Variants in ZDHHC15 observed in about 807,000 individuals in gnomAD.
The protein encoded by ZDHHC15 is palmitoyltransferase ZDHHC15.
In ZDHHC15, 19 loss-of-function variants were observed where a neutral mutation model predicts 31.7. The ratio of observed to expected loss-of-function variants is 0.60; its 90% confidence interval spans 0.42 to 0.88. ZDHHC15 has a LOEUF of 0.88. Ranked by LOEUF, ZDHHC15 falls within the 40% of genes least tolerant of loss-of-function variation. The pLI, the probability that ZDHHC15 is intolerant of heterozygous loss-of-function variation, is 0.00. For missense variants in ZDHHC15, 209 were observed against 251.2 expected (o/e 0.83, Z 1.14); for synonymous variants, 103 against 90.0 (o/e 1.14, Z -0.82).
At chrX:75,481,063 A>C (rs918063571) in intron 2 of ZDHHC15, among the ~76,000 whole-genome samples, 12 of 111,005 alleles carry the variant, frequency 1.1e-4, no homozygotes, top group Admixed American at 5.8e-4. Flanking sequence ...AGCCTTTGTG[A>C]AGTGTTATCA....
intron 2 of ZDHHC15, among the ~76,000 whole-genome samples, chrX:75,491,108 C>A (rs1342821906): frequency 1.8e-5 from 2 of 111,292 alleles, no homozygotes; most frequent in Non-Finnish European, 3.8e-5. Context: ...CCATTGGACC[C>A]AGCCATCCCA....
At chrX:75,375,368 G>A (rs1464869836) in intron 11 of ZDHHC15, among the ~76,000 whole-genome samples, 2 of 112,039 alleles carry the variant, frequency 1.8e-5, no homozygotes, top group Non-Finnish European at 3.8e-5. Context: ...CTATTTTGTT[G>A]ATTGTTTGCA....
intron 9 of ZDHHC15, among the ~76,000 whole-genome samples, chrX:75,421,433 A>ATAATATATATTATATATAATAT (rs1405064473): frequency 3.2e-5 from 2 of 62,709 alleles, no homozygotes; most frequent in Non-Finnish European, 5.2e-5. Flanking sequence ...ATATATATAT[A>ATAATATATATTATATATAATAT]ATATATATTA....
Position 75,372,637 on chromosome X carries a change from T to C in ZDHHC15, c.*341A>G, listed in dbSNP as rs1003963786. ...GGGAATTAAAGACTCTAAGGAAATT[T>C]TCTGAATTTCCTTTTACCTGATAAG... On this transcript the variant is annotated 3_prime_UTR_variant, in exon 12 of 12. Transcript: ENST00000373367. The C allele has an allele frequency of 9.0e-6, 1 of 111,480 alleles. No homozygotes were observed. 9.2% of individuals were successfully genotyped at this position (111,480 alleles called of 1,213,427 possible). A position where few individuals can be genotyped will look rare whatever the true frequency, so the allele number is the denominator to read the frequency against.
chrX:75,517,780 C>G (rs1312179172), intron 1 of ZDHHC15, among the ~76,000 whole-genome samples: 1 of 109,475 alleles, frequency 9.1e-6, no homozygotes, highest in African/African-American at 3.3e-5. Flanking sequence ...TATCTTATGC[C>G]AGATATAAAA....
At chrX:75,417,011 C>T (rs2083556280) in intron 10 of ZDHHC15, 76 bp downstream of exon 10, 1 of 842,508 alleles carries the variant, frequency 1.2e-6, no homozygotes, top group Admixed American at 2.5e-5. Context: ...CTTATAAAAT[C>T]TTTCTGGACA....
intron 10 of ZDHHC15, among the ~76,000 whole-genome samples, chrX:75,409,067 A>G (rs1158077396): frequency 4.5e-5 from 5 of 112,310 alleles, no homozygotes; most frequent in Non-Finnish European, 7.5e-5. Flanking sequence ...CAAAATACCA[A>G]TGGCATTCTT....
At chrX:75,494,134 C>T (rs1236021960) in intron 2 of ZDHHC15, among the ~76,000 whole-genome samples, 1 of 110,865 alleles carries the variant, frequency 9.0e-6, no homozygotes, top group Non-Finnish European at 1.9e-5. Context: ...TCTTATACAC[C>T]AATAACAGAC....
At chrX:75,378,229 T>G (rs759845517) in intron 11 of ZDHHC15, among the ~76,000 whole-genome samples, 6 of 112,290 alleles carry the variant, frequency 5.3e-5, no homozygotes, top group Non-Finnish European at 7.5e-5. Context: ...CTTGGATAAG[T>G]GATTTAACCT....
intron 3 of ZDHHC15, among the ~76,000 whole-genome samples, chrX:75,465,379 G>T (rs2084386729): frequency 9.0e-6 from 1 of 111,729 alleles, no homozygotes; most frequent in Non-Finnish European, 1.9e-5. Flanking sequence ...TGGCCAAACT[G>T]CCCAAAGTAA....
chrX:75,485,693 G>A (rs755642073), intron 2 of ZDHHC15, among the ~76,000 whole-genome samples: 58 of 110,964 alleles, frequency 5.2e-4, no homozygotes, highest in Non-Finnish European at 9.0e-4. Context: ...TATCAAAAGC[G>A]ACTTGTCAAA....
chrX:75,436,176 C>T (rs988990620), intron 4 of ZDHHC15, among the ~76,000 whole-genome samples: 8 of 111,438 alleles, frequency 7.2e-5, no homozygotes, highest in African/African-American at 2.3e-4. Context: ...TTTCTGTTAT[C>T]GGCTGTAATA....
chrX:75,394,203 C>T (rs1381221949), intron 10 of ZDHHC15, among the ~76,000 whole-genome samples: 1 of 110,565 alleles, frequency 9.0e-6, no homozygotes, highest in Non-Finnish European at 1.9e-5. Flanking sequence ...TACAGATACA[C>T]AAAAAATAAC....
intron 1 of ZDHHC15, among the ~76,000 whole-genome samples, chrX:75,510,147 T>C (rs1267132383): frequency 1.8e-5 from 2 of 111,810 alleles, no homozygotes; most frequent in Admixed American, 1.9e-4. Context: ...GCAGTCCCTC[T>C]CAAACCTGGA....
chrX:75,439,809 G>A (rs1180454903), intron 4 of ZDHHC15, among the ~76,000 whole-genome samples: 3 of 111,494 alleles, frequency 2.7e-5, no homozygotes, highest in Admixed American at 1.9e-4. Flanking sequence ...TCAGAGGAAC[G>A]TTCTGTGGCT....
At chrX:75,505,345 T>C (rs1359699495) in intron 2 of ZDHHC15, among the ~76,000 whole-genome samples, 2 of 111,511 alleles carry the variant, frequency 1.8e-5, no homozygotes, top group East Asian at 5.6e-4. Flanking sequence ...CCACAATCTC[T>C]TTAGAAAGGT....
chrX:75,430,097 C>A, intron 5 of ZDHHC15, 117 bp from the exon 6 acceptor site: 1 of 767,982 alleles, frequency 1.3e-6, no homozygotes, highest in South Asian at 2.9e-5. Flanking sequence ...CACCCATTCT[C>A]AGATTTCCAC....
chrX:75,420,099 T>TA (rs750028029), intron 9 of ZDHHC15, among the ~76,000 whole-genome samples: 117 of 108,306 alleles, frequency 1.1e-3, no homozygotes, highest in African/African-American at 3.8e-3. Flanking sequence ...TAAAGTATAA[T>TA]AAAAAAAAGA....
At chrX:75,467,008 A>G (rs1307369301) in intron 3 of ZDHHC15, among the ~76,000 whole-genome samples, 2 of 111,782 alleles carry the variant, frequency 1.8e-5, no homozygotes, top group Non-Finnish European at 3.8e-5. Context: ...CCTGTATAAC[A>G]AATCTGCATA....
Sources: allele counts gnomAD v4.1 joint callset (sites outside exome capture counted in the v4.1 genomes callset), GRCh38; gene constraint gnomAD v4.1.1; transcripts MANE v1.5; gene names NCBI Gene and HGNC (gene_info 2026-07-23, HGNC 2026-07-21).